Variants in KIF6 observed in about 807,000 individuals in gnomAD.
KIF6 encodes kinesin-like protein KIF6.
Under a neutral mutation model 112.7 loss-of-function variants are expected in KIF6, and 106 were observed. That is an observed-to-expected ratio of 0.94 (90% CI 0.80 to 1.11). The LOEUF is 1.11. Ranked by LOEUF, KIF6 falls within the 50% of genes least tolerant of loss-of-function variation. KIF6 has a pLI of 0.00. For synonymous variants in KIF6, 339 were observed against 339.9 expected (o/e 1.00, Z 0.03); for missense variants, 929 against 964.0 (o/e 0.96, Z 0.48).
At chr6:39,567,822 T>A (rs576238490) in intron 10 of KIF6, among the ~76,000 whole-genome samples, 1 of 152,160 alleles carries the variant, frequency 6.6e-6, no homozygotes, top group African/African-American at 2.4e-5. Flanking sequence ...TTAGCCAGGA[T>A]GGTCTCGATC....
chr6:39,481,912 G>A (rs544832022), intron 13 of KIF6, among the ~76,000 whole-genome samples: 7 of 151,944 alleles, frequency 4.6e-5, no homozygotes, highest in Admixed American at 2.6e-4. Context: ...TATCCCTTAT[G>A]TGACCTCCAT....
At chr6:39,460,189 C>T (rs1467711173) in intron 13 of KIF6, among the ~76,000 whole-genome samples, 1 of 135,256 alleles carries the variant, frequency 7.4e-6, no homozygotes, top group African/African-American at 2.8e-5. Flanking sequence ...GAATACTATG[C>T]AGCCATAAAA....
At chr6:39,450,770 A>C (rs1203379770) in intron 13 of KIF6, among the ~76,000 whole-genome samples, 1 of 152,298 alleles carries the variant, frequency 6.6e-6, no homozygotes, top group Admixed American at 6.5e-5. Context: ...GCACCACTGC[A>C]CTCCAGCCTG....
At chr6:39,641,099 C>G (rs1784873857) in intron 3 of KIF6, among the ~76,000 whole-genome samples, 1 of 152,030 alleles carries the variant, frequency 6.6e-6, no homozygotes. Context: ...AATCTTTTTC[C>G]TCAACAGAAT....
intron 10 of KIF6, among the ~76,000 whole-genome samples, chr6:39,576,598 G>A (rs1780987275): frequency 6.6e-6 from 1 of 152,190 alleles, no homozygotes; most frequent in African/African-American, 2.4e-5. Context: ...CCTCTGGACA[G>A]TGTCTCGACT....
At chr6:39,478,092 T>TA (rs1774549275) in intron 13 of KIF6, among the ~76,000 whole-genome samples, 1 of 152,164 alleles carries the variant, frequency 6.6e-6, no homozygotes. Flanking sequence ...GGTATTTGGT[T>TA]ACATGAGTAA....
At chr6:39,559,871 C>T (rs1220818474) in intron 10 of KIF6, among the ~76,000 whole-genome samples, 1 of 151,450 alleles carries the variant, frequency 6.6e-6, no homozygotes, top group Non-Finnish European at 1.5e-5. Flanking sequence ...AACTAACTAA[C>T]TGTTTTTAAG....
chr6:39,398,339 T>A (rs116257712), intron 15 of KIF6, among the ~76,000 whole-genome samples: 6,023 of 152,288 alleles, frequency 0.04, 179 homozygotes, highest in Middle Eastern at 0.061. Context: ...TTTCTAATCC[T>A]CATCGAAGCA....
At chr6:39,692,820 G>A (rs1788296825) in intron 3 of KIF6, among the ~76,000 whole-genome samples, 1 of 151,408 alleles carries the variant, frequency 6.6e-6, no homozygotes, top group African/African-American at 2.4e-5. Flanking sequence ...TGAAACAGAA[G>A]AGTTATCCTC....
chr6:39,426,277 C>T (rs954078690), intron 14 of KIF6, among the ~76,000 whole-genome samples: 3 of 152,182 alleles, frequency 2.0e-5, no homozygotes, highest in Non-Finnish European at 4.4e-5. Flanking sequence ...TAAGAATTGG[C>T]TCACATGCTC....
At chr6:39,597,024 A>G (rs1782310832) in intron 6 of KIF6, among the ~76,000 whole-genome samples, 1 of 152,206 alleles carries the variant, frequency 6.6e-6, no homozygotes, top group South Asian at 2.1e-4. Flanking sequence ...TATGTAATTT[A>G]TAGGAAAAAT....
chr6:39,506,494 T>G (rs1312746230), intron 13 of KIF6, among the ~76,000 whole-genome samples: 1 of 152,108 alleles, frequency 6.6e-6, no homozygotes, highest in Non-Finnish European at 1.5e-5. Context: ...ATCCTGCACA[T>G]GTATCCCTGA....
chr6:39,698,632 G>A (rs1007000718), intron 3 of KIF6, among the ~76,000 whole-genome samples: 19 of 152,148 alleles, frequency 1.2e-4, no homozygotes, highest in African/African-American at 4.3e-4. Flanking sequence ...AAAATATACT[G>A]TACTTCTATT....
intron 13 of KIF6, among the ~76,000 whole-genome samples, chr6:39,490,284 A>G (rs1195933700): frequency 1.3e-5 from 2 of 152,246 alleles, no homozygotes; most frequent in African/African-American, 4.8e-5. Flanking sequence ...AGGCTCCCAG[A>G]CAATGTGAAA....
At chr6:39,710,734 G>A (rs1789498789) in intron 3 of KIF6, among the ~76,000 whole-genome samples, 1 of 152,124 alleles carries the variant, frequency 6.6e-6, no homozygotes. Flanking sequence ...AATATTTGAA[G>A]GATAGGACTG....
chr6:39,624,711 AGT>A, intron 5 of KIF6, among the ~76,000 whole-genome samples: 1 of 152,344 alleles, frequency 6.6e-6, no homozygotes, highest in South Asian at 2.1e-4. Flanking sequence ...TTGAGGTGAC[AGT>A]GTTTTTCCTG....
chr6:39,408,073 A>T (rs1301385105), intron 15 of KIF6, among the ~76,000 whole-genome samples: 1 of 152,246 alleles, frequency 6.6e-6, no homozygotes, highest in Admixed American at 6.5e-5. Context: ...CAACTCAGAA[A>T]GAGAAATTCA....
chr6:39,623,348 A>G (rs1783926726), intron 5 of KIF6, among the ~76,000 whole-genome samples: 2 of 152,094 alleles, frequency 1.3e-5, no homozygotes, highest in Non-Finnish European at 2.9e-5. Context: ...TTTGTTTGGA[A>G]TTTCATTGAA....
chr6:39,694,429 G>C (rs1788407648), intron 3 of KIF6, among the ~76,000 whole-genome samples: 1 of 152,148 alleles, frequency 6.6e-6, no homozygotes, highest in Admixed American at 6.5e-5. Flanking sequence ...TAAGGATTCT[G>C]CCGAAAGTCT....
Sources: gnomAD v4.1 joint callset for allele counts (sites outside exome capture counted in the v4.1 genomes callset) on GRCh38, gnomAD v4.1.1 for gene constraint, MANE v1.5 for transcripts, NCBI Gene and HGNC (gene_info 2026-07-23, HGNC 2026-07-21) for gene names.